The following ZBTB16 variants were observed in gnomAD, a reference collection of about 807,000 sequenced individuals.
The protein encoded by ZBTB16 is zinc finger and BTB domain containing 16.
In ZBTB16, 8 loss-of-function variants were observed where a neutral mutation model predicts 56.8. That is an observed-to-expected ratio of 0.14 (90% CI 0.08 to 0.25). The LOEUF (loss-of-function observed/expected upper bound fraction) is 0.25. Ranked by LOEUF, ZBTB16 falls within the 10% of genes least tolerant of loss-of-function variation. ZBTB16 has a pLI of 1.00. For missense variants in ZBTB16, 625 were observed against 903.0 expected (o/e 0.69, Z 3.95); for synonymous variants, 363 against 368.5 (o/e 0.98, Z 0.17).
chr11:114,157,854 G>A (rs894104499), intron 3 of ZBTB16, among the ~76,000 whole-genome samples: 3 of 152,014 alleles, frequency 2.0e-5, no homozygotes, highest in Non-Finnish European at 2.9e-5. Context: ...CCATGTCTTC[G>A]TGCATTCTGT....
chr11:114,212,798 C>T (rs976029810), intron 4 of ZBTB16, among the ~76,000 whole-genome samples: 3 of 152,154 alleles, frequency 2.0e-5, no homozygotes, highest in Non-Finnish European at 4.4e-5. Flanking sequence ...TGGCTTATCC[C>T]CCCATCCCCC....
chr11:114,218,171 A>G (rs1944150612), intron 4 of ZBTB16, among the ~76,000 whole-genome samples: 1 of 152,134 alleles, frequency 6.6e-6, no homozygotes, highest in African/African-American at 2.4e-5. Flanking sequence ...TTTCTCAGAG[A>G]AGGACCTGCT....
chr11:114,102,834 T>C (rs2137757928), intron 2 of ZBTB16, among the ~76,000 whole-genome samples: 1 of 152,302 alleles, frequency 6.6e-6, no homozygotes, highest in African/African-American at 2.4e-5. Flanking sequence ...TTCTTGGGCT[T>C]GAAGTTTTTG....
intron 4 of ZBTB16, among the ~76,000 whole-genome samples, chr11:114,237,818 A>T (rs447174): frequency 3.3e-5 from 5 of 151,946 alleles, no homozygotes; most frequent in Non-Finnish European, 7.4e-5. Context: ...CATCTCCCCC[A>T]CTTTTCCATT....
chr11:114,198,528 G>GC (rs1307333471), intron 4 of ZBTB16, among the ~76,000 whole-genome samples: 2 of 152,142 alleles, frequency 1.3e-5, no homozygotes, highest in African/African-American at 4.8e-5. Context: ...GGCTCCCAGG[G>GC]CCCCTCTGGC....
intron 2 of ZBTB16, among the ~76,000 whole-genome samples, chr11:114,133,596 C>G (rs1941724090): frequency 6.6e-6 from 1 of 152,210 alleles, no homozygotes; most frequent in African/African-American, 2.4e-5. Context: ...ATTTCCCTCT[C>G]AGGTCCTCTT....
intron 2 of ZBTB16, among the ~76,000 whole-genome samples, chr11:114,092,282 C>A (rs896502982): frequency 2.0e-5 from 3 of 152,178 alleles, no homozygotes; most frequent in Non-Finnish European, 4.4e-5. Flanking sequence ...GGCAGTTTGG[C>A]TTAGGGGAGA....
chr11:114,167,240 T>TTG lies in ZBTB16; in HGVS notation c.1366+10807_1366+10808insGT, dbSNP rs1308152768. 3.9e-4 allele frequency among the ~76,000 whole-genome samples: 54 copies of TTG among 137,272 alleles called. 2 individuals are homozygous for TTG. Among genetic ancestry groups the TTG allele is most frequent in the Middle Eastern group, 3.6e-3 (1 of 278 alleles). 90.1% of individuals were successfully genotyped at this position (137,272 alleles called of 152,430 possible). Reference sequence around the variant, plus strand: ...GGTTTTTTTTTTTTTTGGTTTTTTTTTTTTTTTTTTTTTGACAAGCTTGGT... The same window carrying TTG: ...GGTTTTTTTTTTTTTTGGTTTTTTTTTGTTTTTTTTTTTTTGACAAGCTTGGT... On this transcript the variant is annotated intron_variant, in intron 3 of 6. Coordinates refer to ENST00000335953, the MANE Select transcript of ZBTB16 (RefSeq NM_006006.6).
chr11:114,187,483 C>T (rs538304560), intron 4 of ZBTB16: 28 of 240,926 alleles, frequency 1.2e-4, no homozygotes, highest in African/African-American at 4.7e-4. Context: ...CTAAAATCAG[C>T]GTGTACGCAG....
chr11:114,231,871 A>AAC (rs1944446828), intron 4 of ZBTB16, among the ~76,000 whole-genome samples: 1 of 152,154 alleles, frequency 6.6e-6, no homozygotes, highest in Non-Finnish European at 1.5e-5. Flanking sequence ...AGTGGAGAAA[A>AAC]ACCCTTTAAG....
intron 2 of ZBTB16, among the ~76,000 whole-genome samples, chr11:114,069,747 C>A (rs3018331): frequency 0.18 from 27,567 of 152,114 alleles, 2,615 homozygotes; most frequent in Middle Eastern, 0.29. Flanking sequence ...ATAATGATAG[C>A]CACAGCAATG....
chr11:114,095,245 CTTTTTTT>C (rs745895999), intron 2 of ZBTB16, among the ~76,000 whole-genome samples: 9 of 90,458 alleles, frequency 9.9e-5, no homozygotes, highest in Middle Eastern at 8.2e-3. Context: ...CTTTTCTTTT[CTTTTTTT>C]TTTTTTTTTT....
intron 4 of ZBTB16, among the ~76,000 whole-genome samples, chr11:114,210,387 A>G (rs1016182773): frequency 6.6e-6 from 1 of 152,178 alleles, no homozygotes; most frequent in Non-Finnish European, 1.5e-5. Flanking sequence ...CCCTGCAGCC[A>G]GGAGCTGGGA....
At chr11:114,249,999 GA>G (rs1388666807) in intron 6 of ZBTB16, among the ~76,000 whole-genome samples, 1 of 152,158 alleles carries the variant, frequency 6.6e-6, no homozygotes, top group Non-Finnish European at 1.5e-5. Flanking sequence ...ATTAGAAAGG[GA>G]AAAGACTGTG....
chr11:114,151,502 C>T (rs1418714301), intron 2 of ZBTB16, among the ~76,000 whole-genome samples: 1 of 152,228 alleles, frequency 6.6e-6, no homozygotes, highest in African/African-American at 2.4e-5. Context: ...ATTACAGGTC[C>T]TAGTTCCCCA....
intron 2 of ZBTB16, among the ~76,000 whole-genome samples, chr11:114,140,694 T>G (rs1054491819): frequency 6.6e-6 from 1 of 152,186 alleles, no homozygotes; most frequent in African/African-American, 2.4e-5. Flanking sequence ...TCTTACTCCG[T>G]GGAGTCACTC....
At chr11:114,240,291 G>A (rs201931643) in intron 4 of ZBTB16, among the ~76,000 whole-genome samples, 1 of 152,186 alleles carries the variant, frequency 6.6e-6, no homozygotes, top group African/African-American at 2.4e-5. Flanking sequence ...TGAGTGGGAC[G>A]GAGGTGGTGA....
In ZBTB16 at chr11:114,082,836, G is replaced by A. The variant is rs573298466; in HGVS notation, c.1268+18268G>A. 3.3e-5 allele frequency among the ~76,000 whole-genome samples: 5 copies of A among 152,232 alleles called. No individual in the cohort carries two copies. In the East Asian group the frequency reaches 5.8e-4, roughly 18 times the overall value. ...AAGCTGGTCTGCCGGACTGTTACCC[G>A]TCTCTCTAACTCTCTTTTAATAGAA... On this transcript the variant is annotated intron_variant, in intron 2 of 6. Coordinates refer to ENST00000335953, the MANE Select transcript of ZBTB16 (RefSeq NM_006006.6).
intron 2 of ZBTB16, among the ~76,000 whole-genome samples, chr11:114,109,087 C>T (rs1002588874): frequency 3.3e-5 from 5 of 152,158 alleles, no homozygotes; most frequent in African/African-American, 9.7e-5. Context: ...ACTGCAGGAG[C>T]GGAGGCTTTG....
Sources: gnomAD v4.1 joint callset for allele counts (sites outside exome capture counted in the v4.1 genomes callset) on GRCh38, gnomAD v4.1.1 for gene constraint, MANE v1.5 for transcripts, NCBI Gene and HGNC (gene_info 2026-07-23, HGNC 2026-07-21) for gene names.